Variants in GRAMD1B observed in about 807,000 individuals in gnomAD.
The protein encoded by GRAMD1B is protein Aster-B.
GRAMD1B carries 37 observed loss-of-function variants against 99.7 expected under a neutral mutation model. The observed-to-expected ratio is 0.37, with a 90% CI of 0.29 to 0.49. The LOEUF (loss-of-function observed/expected upper bound fraction) is 0.49, where lower values mean the gene tolerates loss of function less well. GRAMD1B is among the 20% of genes least tolerant of loss of function. The pLI is 0.98. For missense variants in GRAMD1B, 888 were observed against 1,009.2 expected (o/e 0.88, Z 1.63); for synonymous variants, 427 against 387.6 (o/e 1.10, Z -1.19).
intron 1 of GRAMD1B, among the ~76,000 whole-genome samples, chr11:123,394,259 G>A (rs1405525847): frequency 6.6e-6 from 1 of 152,036 alleles, no homozygotes; most frequent in Non-Finnish European, 1.5e-5. Context: ...TTTTATATTG[G>A]CAACAGCTTT....
chr11:123,380,595 G>A (rs571921265), intron 1 of GRAMD1B, among the ~76,000 whole-genome samples: 9 of 152,250 alleles, frequency 5.9e-5, no homozygotes, highest in Non-Finnish European at 8.8e-5. Flanking sequence ...GGTGATAGAC[G>A]GATGGACCCT....
At chr11:123,434,126 A>G (rs1949044098) in intron 1 of GRAMD1B, among the ~76,000 whole-genome samples, 2 of 146,164 alleles carry the variant, frequency 1.4e-5, no homozygotes, top group Middle Eastern at 3.6e-3. Flanking sequence ...GCTACTCGGG[A>G]GGCTGAGGCA....
At chr11:123,539,436 CA>C (rs754285383) in intron 2 of GRAMD1B, among the ~76,000 whole-genome samples, 1 of 98,740 alleles carries the variant, frequency 1.0e-5, no homozygotes. Flanking sequence ...ACCCCATGTC[CA>C]AAAATAAAAA....
chr11:123,508,916 A>T (rs772249354), intron 2 of GRAMD1B, among the ~76,000 whole-genome samples: 1 of 152,130 alleles, frequency 6.6e-6, no homozygotes, highest in Non-Finnish European at 1.5e-5. Flanking sequence ...AACTCCAGAC[A>T]TCAGGTGATC....
At chr11:123,541,538 A>ATT (rs796079422) in intron 2 of GRAMD1B, among the ~76,000 whole-genome samples, 1 of 143,254 alleles carries the variant, frequency 7.0e-6, no homozygotes, top group African/African-American at 2.7e-5. Context: ...CTGTGAATTG[A>ATT]TTTTTTTTTT....
rs763280370 is a variant in GRAMD1B, at chr11:123,594,070, A to G, written c.685-12A>G. On this transcript the variant is annotated splice_polypyrimidine_tract_variant and intron_variant, in intron 4 of 19. Coordinates refer to ENST00000635736, the MANE Select transcript of GRAMD1B (RefSeq NM_001387025.1). Reference sequence around the variant, plus strand: ...GGGGTACATCCTACTAACCTTGGCTATTGTCACGCAGGTGTTAAGCCCCAC... The same window carrying G: ...GGGGTACATCCTACTAACCTTGGCTGTTGTCACGCAGGTGTTAAGCCCCAC... 4.4e-6 allele frequency: 7 copies of G among 1,591,764 alleles called. No individual in the cohort carries two copies. Among genetic ancestry groups the G allele is most frequent in the Admixed American group, 1.7e-5 (1 of 59,974 alleles).
intron 2 of GRAMD1B, among the ~76,000 whole-genome samples, chr11:123,547,925 G>A (rs967613979): frequency 1.3e-5 from 2 of 152,080 alleles, no homozygotes; most frequent in Non-Finnish European, 2.9e-5. Flanking sequence ...TCACCTGCTG[G>A]AAGTTAGACT....
chr11:123,402,402 C>T (rs1947698609), intron 1 of GRAMD1B, among the ~76,000 whole-genome samples: 1 of 152,040 alleles, frequency 6.6e-6, no homozygotes, highest in Non-Finnish European at 1.5e-5. Context: ...TAACAAAGGT[C>T]GTCATCATCA....
intron 1 of GRAMD1B, among the ~76,000 whole-genome samples, chr11:123,364,785 T>G (rs1946261883): frequency 6.6e-6 from 1 of 152,150 alleles, no homozygotes; most frequent in Non-Finnish European, 1.5e-5. Context: ...TGCTTTGGCA[T>G]GTGTTTTCCC....
intron 1 of GRAMD1B, among the ~76,000 whole-genome samples, chr11:123,416,042 GA>G (rs1410063357): frequency 6.6e-6 from 1 of 152,190 alleles, no homozygotes; most frequent in Non-Finnish European, 1.5e-5. Context: ...AGCTTGGGTT[GA>G]AAGAGGATTT....
At chr11:123,441,387 T>C (rs577964644) in intron 1 of GRAMD1B, among the ~76,000 whole-genome samples, 19 of 152,262 alleles carry the variant, frequency 1.2e-4, no homozygotes, top group African/African-American at 4.1e-4. Flanking sequence ...CCTATAATCC[T>C]AGCACTTTGG....
chr11:123,513,578 TTTC>T (rs1419053968), intron 2 of GRAMD1B, among the ~76,000 whole-genome samples: 4 of 41,670 alleles, frequency 9.6e-5, no homozygotes, highest in African/African-American at 3.7e-4. Flanking sequence ...CCTTCCTTCC[TTTC>T]CTTCCTTCCT....
At chr11:123,514,671 A>G (rs191597876) in intron 2 of GRAMD1B, among the ~76,000 whole-genome samples, 104 of 152,292 alleles carry the variant, frequency 6.8e-4, no homozygotes, top group African/African-American at 2.4e-3. Context: ...CAGGGAGCTG[A>G]AGCGCTGTGA....
At chr11:123,487,551 GGAGT>G (rs1475208179) in intron 2 of GRAMD1B, among the ~76,000 whole-genome samples, 1 of 152,230 alleles carries the variant, frequency 6.6e-6, no homozygotes, top group African/African-American at 2.4e-5. Flanking sequence ...GCTGTGATAA[GGAGT>G]GAGTATTCTT....
chr11:123,539,608 A>G (rs1485971138), intron 2 of GRAMD1B, among the ~76,000 whole-genome samples: 1 of 152,092 alleles, frequency 6.6e-6, no homozygotes, highest in Non-Finnish European at 1.5e-5. Context: ...TCTCAAACAA[A>G]CAAACAAACA....
chr11:123,586,653 C>T (rs1950107733), intron 4 of GRAMD1B, among the ~76,000 whole-genome samples: 1 of 152,228 alleles, frequency 6.6e-6, no homozygotes, highest in African/African-American at 2.4e-5. Flanking sequence ...CTCTCCGCAG[C>T]ACCCCTCCAC....
chr11:123,454,490 A>G (rs1345921152), intron 1 of GRAMD1B: 1 of 152,104 alleles, frequency 6.6e-6, no homozygotes, highest in Non-Finnish European at 1.5e-5. Context: ...CGCAGGCTCT[A>G]TTGTCTGTTA....
At chr11:123,457,023 G>A (rs1366243876) in intron 1 of GRAMD1B, among the ~76,000 whole-genome samples, 1 of 150,704 alleles carries the variant, frequency 6.6e-6, no homozygotes, top group African/African-American at 2.4e-5. Flanking sequence ...GAGATGGGAG[G>A]ATTGCTTAAG....
chr11:123,611,517 C>T (rs1179430402), intron 14 of GRAMD1B, among the ~76,000 whole-genome samples: 1 of 152,130 alleles, frequency 6.6e-6, no homozygotes, highest in Non-Finnish European at 1.5e-5. Flanking sequence ...TGAACATGTA[C>T]TCCTCCTTCA....
Sources: allele counts gnomAD v4.1 joint callset (sites outside exome capture counted in the v4.1 genomes callset), GRCh38; gene constraint gnomAD v4.1.1; transcripts MANE v1.5; gene names NCBI Gene and HGNC (gene_info 2026-07-23, HGNC 2026-07-21).